The following MFSD11 variants were observed in gnomAD, a reference collection of about 807,000 sequenced individuals.
MFSD11 encodes major facilitator superfamily domain containing 11.
In MFSD11, 36 loss-of-function variants were observed where a neutral mutation model predicts 53.5. The ratio of observed to expected loss-of-function variants is 0.67; its 90% CI spans 0.52 to 0.89. The LOEUF (loss-of-function observed/expected upper bound fraction) is 0.89. Ranked by LOEUF, MFSD11 falls within the 40% of genes least tolerant of loss-of-function variation. The probability of loss-of-function intolerance (pLI) is 0.00; values close to 1 mark genes in which losing one functional copy is unlikely to be tolerated. For missense variants in MFSD11, 530 were observed against 543.9 expected (o/e 0.97, Z 0.25); for synonymous variants, 186 against 184.9 (o/e 1.01, Z -0.05).
rs1015602548 is a variant in MFSD11, at chr17:76,776,854, G to A, written c.1185+313G>A. Among the ~76,000 whole-genome samples, 5 of 152,016 alleles carry A rather than the reference G, an allele frequency of 3.3e-5. 1 individual carries two copies. Among genetic ancestry groups the A allele is most frequent in the African/African-American group, 1.2e-4 (5 of 41,500 alleles). On this transcript the variant is annotated intron_variant, in intron 12 of 12. Transcript: ENST00000685175. The surrounding 1 kb of genome is among the most constrained non-coding windows in gnomAD (Gnocchi z 4.2). ...TTTAGCAGAGGCAGGGTTTCACCAC[G>A]TTGGTTAGGCTGGTCTCAAACTTCT...
chr17:76,752,206 T>C (rs2079109813), intron 7 of MFSD11, among the ~76,000 whole-genome samples: 3 of 152,186 alleles, frequency 2.0e-5, no homozygotes, highest in Admixed American at 1.3e-4. Context: ...TATCACCTTA[T>C]ATAACCCACT....
chr17:76,738,220 C>A lies in MFSD11; in HGVS notation c.-133C>A. Reference sequence around the variant, plus strand: ...TTCCGATCCAGGAACTGGAAGTTGACAGCTTGGCTGCCTGGCTCCTGCATC... The same window carrying A: ...TTCCGATCCAGGAACTGGAAGTTGAAAGCTTGGCTGCCTGGCTCCTGCATC... On this transcript the variant is annotated 5_prime_UTR_variant, in exon 1 of 13. Coordinates refer to ENST00000685175, the MANE Select transcript of MFSD11 (RefSeq NM_001242532.5). 1.6e-6 allele frequency: 1 copy of A among 640,910 alleles called. No homozygotes were observed. 39.7% of individuals were successfully genotyped at this position (640,910 alleles called of 1,614,324 possible).
At chr17:76,749,634 G>A (rs2078871217) in intron 7 of MFSD11, among the ~76,000 whole-genome samples, 1 of 151,654 alleles carries the variant, frequency 6.6e-6, no homozygotes, top group Non-Finnish European at 1.5e-5. Flanking sequence ...ACTTAAACCT[G>A]TAATTCCAGC....
At position 76,756,742 on chromosome 17, in the gene MFSD11, C is replaced by A. The variant is rs763767719; in HGVS notation, c.682+2655C>A. 2.6e-5 allele frequency among the ~76,000 whole-genome samples: 4 copies of A among 152,092 alleles called. No individual in the cohort carries two copies. In the East Asian group the frequency reaches 7.8e-4, roughly 30 times the overall value. On this transcript the variant is annotated intron_variant, in intron 8 of 12. Coordinates refer to ENST00000685175, the MANE Select transcript of MFSD11 (RefSeq NM_001242532.5). ...AGGCATGGTGGCGGATGCCTGTAAT[C>A]CCAGCTACTCAGGAGGCTGAGGCTG...
At chr17:76,741,216 A>G (rs1200672660) in intron 3 of MFSD11, 152 bp downstream of exon 3, 4 of 600,584 alleles carry the variant, frequency 6.7e-6, no homozygotes, top group South Asian at 4.2e-5. Context: ...GCTCAGGGAT[A>G]TCATATTCTA....
intron 7 of MFSD11, among the ~76,000 whole-genome samples, chr17:76,751,285 G>A (rs1188008740): frequency 2.0e-5 from 3 of 151,852 alleles, no homozygotes; most frequent in Non-Finnish European, 4.4e-5. Flanking sequence ...AGCTACTTGG[G>A]AGGCTGAGGC....
chr17:76,744,289 G>T (rs371200723), intron 6 of MFSD11, 33 bp from the exon 7 acceptor site: 60 of 1,580,680 alleles, frequency 3.8e-5, no homozygotes, highest in Non-Finnish European at 1.2e-5. Flanking sequence ...TTGTTTGGTC[G>T]ATACTATCTT....
At chr17:76,789,279 G>T in the MFSD11 span, among the ~76,000 whole-genome samples, 2 of 150,232 alleles carry the variant, frequency 1.3e-5, no homozygotes, top group South Asian at 2.2e-4. Flanking sequence ...CATTGGCATG[G>T]TTCCGGGGTT....
intron 8 of MFSD11, among the ~76,000 whole-genome samples, chr17:76,759,253 CA>C (rs2079953218): frequency 6.7e-6 from 1 of 149,882 alleles, no homozygotes; most frequent in African/African-American, 2.5e-5. Context: ...GAACTTGTCC[CA>C]AAAAAATAAA....
chr17:76,796,662 C>T, the MFSD11 span, among the ~76,000 whole-genome samples: 1 of 152,024 alleles, frequency 6.6e-6, no homozygotes, highest in South Asian at 2.1e-4. Flanking sequence ...AGAGAGGGTT[C>T]TTGGATTTCA....
chr17:76,740,653 G>A (rs1055147990), intron 2 of MFSD11, among the ~76,000 whole-genome samples: 45 of 152,116 alleles, frequency 3.0e-4, no homozygotes, highest in Admixed American at 6.5e-5. Context: ...AGTGCTGTTA[G>A]GATTAGAAGA....
chr17:76,748,569 C>G (rs2078761000), intron 7 of MFSD11, among the ~76,000 whole-genome samples: 1 of 151,846 alleles, frequency 6.6e-6, no homozygotes, highest in South Asian at 2.1e-4. Context: ...CGCCTGTAGT[C>G]CCAGCTACTT....
intron 7 of MFSD11, among the ~76,000 whole-genome samples, chr17:76,747,051 A>G (rs990131037): frequency 6.6e-6 from 1 of 151,942 alleles, no homozygotes; most frequent in Non-Finnish European, 1.5e-5. Flanking sequence ...CTGGCATTAC[A>G]GGCGTGCACC....
intron 2 of MFSD11, among the ~76,000 whole-genome samples, chr17:76,739,202 C>T (rs2077802101): frequency 6.6e-6 from 1 of 152,206 alleles, no homozygotes; most frequent in South Asian, 2.1e-4. Flanking sequence ...CCTGACTCTA[C>T]AAGGTATTTA....
At chr17:76,749,473 G>C (rs186167577) in intron 7 of MFSD11, among the ~76,000 whole-genome samples, 1 of 151,300 alleles carries the variant, frequency 6.6e-6, no homozygotes, top group East Asian at 1.9e-4. Flanking sequence ...AGGTTGCAGT[G>C]AGCCAAGATA....
chr17:76,796,507 G>A, the MFSD11 span, among the ~76,000 whole-genome samples: 133,331 of 152,106 alleles, frequency 0.88, 58,979 homozygotes, highest in Non-Finnish European at 0.93. Flanking sequence ...TTCCACACCA[G>A]CCGACTCTGC....
At chr17:76,797,390 A>G in the MFSD11 span, among the ~76,000 whole-genome samples, 1 of 152,116 alleles carries the variant, frequency 6.6e-6, no homozygotes, top group Non-Finnish European at 1.5e-5. Context: ...ATATAGGGTA[A>G]CTTCTGGGCA....
intron 3 of MFSD11, among the ~76,000 whole-genome samples, chr17:76,741,385 T>G (rs971071841): frequency 4.6e-5 from 7 of 152,200 alleles, no homozygotes; most frequent in African/African-American, 1.7e-4. Flanking sequence ...AACTAAATCT[T>G]TCTCTGAACT....
the MFSD11 span, among the ~76,000 whole-genome samples, chr17:76,798,045 G>A: frequency 3.3e-5 from 5 of 151,660 alleles, no homozygotes; most frequent in African/African-American, 9.7e-5. Flanking sequence ...CACCACGCCC[G>A]GTTAATGTTT....
Sources: gnomAD v4.1 joint callset for allele counts (sites outside exome capture counted in the v4.1 genomes callset) on GRCh38, gnomAD v4.1.1 for gene constraint, Gnocchi (gnomAD v3.1) non-coding constraint, MANE v1.5 for transcripts, NCBI Gene and HGNC (gene_info 2026-07-23, HGNC 2026-07-21) for gene names.